The following KDM3B variants were observed in gnomAD, a reference collection of about 807,000 sequenced individuals.
The protein encoded by KDM3B is lysine-specific demethylase 3B.
A neutral mutation model predicts 170.0 loss-of-function variants in KDM3B; 10 were observed. That is an observed-to-expected ratio of 0.06 (90% CI 0.04 to 0.10). KDM3B has a LOEUF of 0.10. Ranked by LOEUF, KDM3B falls within the 10% of genes least tolerant of loss-of-function variation. KDM3B has a pLI of 1.00. For missense variants in KDM3B, 1,394 were observed against 2,195.2 expected, an observed-to-expected ratio of 0.64 and a Z score of 7.29; for synonymous variants, 831 against 834.8, an observed-to-expected ratio of 1.00 and a Z score of 0.08.
chr5:138,355,510 A>C lies in KDM3B; in HGVS notation c.192+2523A>C, dbSNP rs560081640. 3.3e-5 allele frequency among the ~76,000 whole-genome samples: 5 copies of C among 152,352 alleles called. 1 individual carries two copies. In the South Asian group the frequency reaches 1.0e-3, roughly 32 times the overall value. On this transcript the variant is annotated intron_variant, in intron 1 of 23. Coordinates refer to ENST00000314358, the MANE Select transcript of KDM3B (RefSeq NM_016604.4). ...AAGGTTCTCATAGGTGGACATCTTC[A>C]CCAGCAGAAGCCATGCTGACAAATT...
intron 9 of KDM3B, among the ~76,000 whole-genome samples, chr5:138,394,575 T>C (rs1366761242): frequency 1.3e-5 from 2 of 152,152 alleles, no homozygotes; most frequent in African/African-American, 4.8e-5. Context: ...GGTGCAAGCA[T>C]CCCAAAGCTG....
intron 11 of KDM3B, among the ~76,000 whole-genome samples, chr5:138,410,876 C>T (rs1409849769): frequency 6.6e-6 from 1 of 152,196 alleles, no homozygotes; most frequent in Non-Finnish European, 1.5e-5. Context: ...TTAGTACTTT[C>T]ACTAATTTTC....
intron 11 of KDM3B, among the ~76,000 whole-genome samples, chr5:138,400,311 T>C (rs972222780): frequency 6.6e-6 from 1 of 152,090 alleles, no homozygotes; most frequent in African/African-American, 2.4e-5. Context: ...CATGGCTTAC[T>C]GCACCCTTGA....
chr5:138,375,067 C>T (rs371183168), intron 2 of KDM3B, 26 bp from the exon 3 acceptor site: 3 of 1,250,080 alleles, frequency 2.4e-6, no homozygotes, highest in African/African-American at 3.0e-5. Context: ...AAGTTCTAAT[C>T]AATTTCTTGT....
chr5:138,382,273 C>T lies in KDM3B; in HGVS notation c.780+683C>T, dbSNP rs543974815. Among the ~76,000 whole-genome samples, 46 of 151,810 alleles carry T rather than the reference C, an allele frequency of 3.0e-4. No homozygotes were observed. In the South Asian group the frequency reaches 5.6e-3, roughly 19 times the overall value. On this transcript the variant is annotated intron_variant, in intron 6 of 23. Transcript: ENST00000314358. ...GACCAGCCTGACCAACGTGGTGAAA[C>T]GCTGTCTCTACAAAAATACAAAAAA...
chr5:138,373,185 C>G (rs905761702), intron 2 of KDM3B, among the ~76,000 whole-genome samples: 6 of 151,942 alleles, frequency 3.9e-5, no homozygotes, highest in African/African-American at 1.5e-4. Context: ...ACAAAAAATA[C>G]AAAAATTAGC....
intron 11 of KDM3B, among the ~76,000 whole-genome samples, chr5:138,411,764 A>G (rs921674213): frequency 6.6e-6 from 1 of 150,574 alleles, no homozygotes; most frequent in African/African-American, 2.4e-5. Context: ...CAGTGGTGCA[A>G]TCTTAGCTCA....
At position 138,424,461 on chromosome 5, in the gene KDM3B, G is replaced by T. The variant is rs1436775535; in HGVS notation, c.4239+120G>T. 5 of 1,156,270 alleles carry T rather than the reference G, an allele frequency of 4.3e-6. No individual in the cohort carries two copies. The East Asian group carries it at 7.1e-5, about 16-fold the overall frequency. The allele number at this position is 1,156,270 out of a possible 1,614,324, so 71.6% of individuals were successfully genotyped here. Reference sequence around the variant, plus strand: ...TAGACATAGTGAGGTTATTGTAATAGCCTTGCTACTTCGAGTTGTCTTGGA... The same window carrying T: ...TAGACATAGTGAGGTTATTGTAATATCCTTGCTACTTCGAGTTGTCTTGGA... On this transcript the variant is annotated intron_variant, in intron 16 of 23. Transcript: ENST00000314358.
intron 19 of KDM3B, among the ~76,000 whole-genome samples, chr5:138,427,734 T>G (rs1426784566): frequency 6.6e-6 from 1 of 152,216 alleles, no homozygotes; most frequent in Non-Finnish European, 1.5e-5. Context: ...GTTTTGTTTT[T>G]CATGGAGAGA....
chr5:138,374,276 T>C, intron 2 of KDM3B: 1 of 443,266 alleles, frequency 2.3e-6, no homozygotes, highest in Middle Eastern at 3.3e-4. Flanking sequence ...TTGTTGTTGT[T>C]GTTAAGATGG....
chr5:138,403,782 G>C (rs1219833473), intron 11 of KDM3B, among the ~76,000 whole-genome samples: 20 of 149,404 alleles, frequency 1.3e-4, no homozygotes, highest in Admixed American at 1.3e-3. Context: ...CACTTAAGCC[G>C]AGGAGTTCAA....
intron 1 of KDM3B, among the ~76,000 whole-genome samples, chr5:138,363,220 C>A (rs1325736641): frequency 6.6e-6 from 1 of 152,078 alleles, no homozygotes; most frequent in Non-Finnish European, 1.5e-5. Flanking sequence ...TCCCTGACCA[C>A]TCTGTCTAAA....
At chr5:138,419,766 C>CAT (rs1008985305) in intron 14 of KDM3B, among the ~76,000 whole-genome samples, 24 of 132,076 alleles carry the variant, frequency 1.8e-4, no homozygotes, top group African/African-American at 5.5e-4. Context: ...CACACACACA[C>CAT]ATATATATGA....
chr5:138,400,196 G>C (rs2126962457), intron 11 of KDM3B, among the ~76,000 whole-genome samples, 184 bp downstream of exon 11: 1 of 152,052 alleles, frequency 6.6e-6, no homozygotes, highest in South Asian at 2.1e-4. Context: ...GCTGAAACAA[G>C]ACAAGAAGGA....
chr5:138,404,368 T>C (rs1237419671), intron 11 of KDM3B, among the ~76,000 whole-genome samples: 1 of 152,234 alleles, frequency 6.6e-6, no homozygotes, highest in Non-Finnish European at 1.5e-5. Flanking sequence ...GGCTCATGCC[T>C]GTAATCCCAG....
chr5:138,406,115 G>T (rs1354291659), intron 11 of KDM3B, among the ~76,000 whole-genome samples: 4 of 152,222 alleles, frequency 2.6e-5, no homozygotes, highest in Non-Finnish European at 2.9e-5. Context: ...GAGAAGTCAA[G>T]ATGGGGATTA....
chr5:138,415,722 G>A (rs1763085817), intron 12 of KDM3B, among the ~76,000 whole-genome samples: 1 of 151,906 alleles, frequency 6.6e-6, no homozygotes, highest in African/African-American at 2.4e-5. Context: ...AGTACTGGGA[G>A]TATAACTGTG....
chr5:138,422,133 C>T (rs1464509338), intron 15 of KDM3B, among the ~76,000 whole-genome samples: 2 of 152,204 alleles, frequency 1.3e-5, no homozygotes, highest in African/African-American at 4.8e-5. Flanking sequence ...ATCACACTGT[C>T]AGTTCTGCAC....
At chr5:138,400,050 G>T in intron 11 of KDM3B, 38 bp downstream of exon 11, 1 of 1,606,838 alleles carries the variant, frequency 6.2e-7, no homozygotes, top group East Asian at 2.2e-5. Flanking sequence ...GAAAGGTAAC[G>T]TGGAGGTATG....
Sources: gnomAD v4.1 joint callset for allele counts (sites outside exome capture counted in the v4.1 genomes callset) on GRCh38, gnomAD v4.1.1 for gene constraint, MANE v1.5 for transcripts, NCBI Gene and HGNC (gene_info 2026-07-23, HGNC 2026-07-21) for gene names.